The following MARCHF10 variants were observed in gnomAD, a reference collection of about 807,000 sequenced individuals.
MARCHF10 encodes the protein probable E3 ubiquitin-protein ligase MARCHF10.
A neutral mutation model predicts 76.2 loss-of-function variants in MARCHF10; 64 were observed. The observed-to-expected ratio is 0.84, with a 90% CI of 0.69 to 1.03. The LOEUF is 1.03. Among genes scored for constraint, MARCHF10 ranks in the 50% least tolerant of loss-of-function variants. The pLI, the probability that MARCHF10 is intolerant of heterozygous loss-of-function variation, is 0.00. For missense variants in MARCHF10, 875 were observed against 958.0 expected (o/e 0.91, Z 1.14); for synonymous variants, 340 against 357.5 (o/e 0.95, Z 0.55).
Position 62,701,381 on chromosome 17 carries a change from G to A in MARCHF10, c.*322C>T, listed in dbSNP as rs1159241720. 7.0e-6 allele frequency: 3 copies of A among 430,016 alleles called. No homozygotes were observed. Among genetic ancestry groups the A allele is most frequent in the Non-Finnish European group, 1.3e-5 (3 of 234,436 alleles). 26.6% of individuals were successfully genotyped at this position (430,016 alleles called of 1,614,324 possible). On this transcript the variant is annotated 3_prime_UTR_variant, in exon 11 of 11. Transcript: ENST00000311269. Reference sequence around the variant, plus strand: ...GTCCATTCAGGGTGGAGTGAGGCCTGGCAGGTGCCCTCAGCAGTGGGACCC... The same window carrying A: ...GTCCATTCAGGGTGGAGTGAGGCCTAGCAGGTGCCCTCAGCAGTGGGACCC...
rs60456766 is a variant in MARCHF10 at position 62,723,559 on chromosome 17, C to CTTTTTTTT, written c.2105-970_2105-963dup. Among the ~76,000 whole-genome samples the CTTTTTTTT allele has an allele frequency of 2.8e-3, 225 of 80,348 alleles. 24 individuals are homozygous for CTTTTTTTT. Among genetic ancestry groups the CTTTTTTTT allele is most frequent in the South Asian group, 7.3e-3 (17 of 2,314 alleles). The allele number at this position is 80,348 out of a possible 152,430, so 52.7% of individuals were successfully genotyped here. On this transcript the variant is annotated intron_variant, in intron 7 of 10. Coordinates refer to ENST00000311269, the MANE Select transcript of MARCHF10 (RefSeq NM_152598.4). ...CCTTATCTGCATTTTGTTCGCTTGA[C>CTTTTTTTT]TTTTTTTTTTTTTTTTTTTAGCGTC...
intron 6 of MARCHF10, among the ~76,000 whole-genome samples, chr17:62,729,036 T>G (rs1165610214): frequency 6.6e-6 from 1 of 152,062 alleles, no homozygotes; most frequent in East Asian, 1.9e-4. Context: ...CCTCCTGGGC[T>G]CAAAGTGATC....
intron 3 of MARCHF10, among the ~76,000 whole-genome samples, chr17:62,762,773 T>A: frequency 6.6e-6 from 1 of 152,212 alleles, no homozygotes; most frequent in East Asian, 1.9e-4. Context: ...CTCGAACCCC[T>A]GAGCTCAGGC....
Position 62,736,272 on chromosome 17 carries a change from T to C in MARCHF10, c.1596A>G (p.Pro532=), listed in dbSNP as rs747101686. 1 of 1,614,230 alleles carries C rather than the reference T, an allele frequency of 6.2e-7. No homozygotes were observed. Among genetic ancestry groups the C allele is most frequent in the East Asian group, 2.2e-5 (1 of 44,886 alleles). ...CAGCAAATTCGTGTGCACTGTTTAC[T>C]GGGAAATAATTATGGTTTTCGGCAC... ...FASAENHNYF[P]VNSAHEFAVR... Residue 532 remains proline, a synonymous_variant, in exon 6 of 11, where the codon CCA becomes CCG. Coordinates refer to ENST00000311269, the MANE Select transcript of MARCHF10 (RefSeq NM_152598.4).
chr17:62,719,515 C>T (rs551569701), intron 8 of MARCHF10, among the ~76,000 whole-genome samples: 2 of 152,066 alleles, frequency 1.3e-5, no homozygotes, highest in African/African-American at 4.8e-5. Context: ...TATCTTTACT[C>T]CCCTTTAGGG....
intron 6 of MARCHF10, among the ~76,000 whole-genome samples, chr17:62,728,904 A>C (rs1006945113): frequency 6.6e-6 from 1 of 152,182 alleles, no homozygotes; most frequent in Non-Finnish European, 1.5e-5. Flanking sequence ...AGAAATTGAC[A>C]AACTCAATGG....
chr17:62,802,897 G>C (rs2093100200), intron 1 of MARCHF10, among the ~76,000 whole-genome samples: 1 of 152,216 alleles, frequency 6.6e-6, no homozygotes, highest in Non-Finnish European at 1.5e-5. Flanking sequence ...AGAGTCATGG[G>C]AAACTCCTGA....
At chr17:62,804,036 A>T (rs894505435) in intron 1 of MARCHF10, among the ~76,000 whole-genome samples, 1 of 152,152 alleles carries the variant, frequency 6.6e-6, no homozygotes, top group African/African-American at 2.4e-5. Context: ...TCGCTCCAGT[A>T]CCCACACTCT....
chr17:62,727,255 G>A (rs1476048861), intron 6 of MARCHF10, among the ~76,000 whole-genome samples: 3 of 152,148 alleles, frequency 2.0e-5, no homozygotes, highest in Non-Finnish European at 4.4e-5. Flanking sequence ...GGATCCACTG[G>A]CTACCCTACT....
chr17:62,772,720 T>C (rs1314643800), intron 3 of MARCHF10, among the ~76,000 whole-genome samples: 1 of 152,218 alleles, frequency 6.6e-6, no homozygotes, highest in Non-Finnish European at 1.5e-5. Flanking sequence ...ATTACACCTT[T>C]ATTTTCTCCA....
chr17:62,761,676 C>T (rs1372672637), intron 3 of MARCHF10, among the ~76,000 whole-genome samples: 1 of 152,152 alleles, frequency 6.6e-6, no homozygotes, highest in Non-Finnish European at 1.5e-5. Flanking sequence ...CCCATCTCAG[C>T]CTCCCAAAGT....
intron 3 of MARCHF10, among the ~76,000 whole-genome samples, chr17:62,765,913 C>T (rs1043249092): frequency 1.4e-4 from 22 of 152,146 alleles, no homozygotes; most frequent in South Asian, 1.0e-3. Flanking sequence ...TTTTAAAAAC[C>T]GGAATGCAGC....
chr17:62,724,894 A>C, intron 7 of MARCHF10, 44 bp downstream of exon 7: 2 of 1,597,874 alleles, frequency 1.3e-6, no homozygotes, highest in Non-Finnish European at 1.7e-6. Context: ...CCTCATGTTA[A>C]TTACATGTCG....
chr17:62,718,626 C>G (rs1160693245), intron 8 of MARCHF10, among the ~76,000 whole-genome samples: 1 of 152,160 alleles, frequency 6.6e-6, no homozygotes. Flanking sequence ...TGAGATGAAC[C>G]TGTCGGCACC....
intron 6 of MARCHF10, among the ~76,000 whole-genome samples, chr17:62,726,946 T>C (rs2090785592): frequency 6.6e-6 from 1 of 152,158 alleles, no homozygotes; most frequent in Non-Finnish European, 1.5e-5. Context: ...ATTTTTAATT[T>C]AGGCAACTAC....
At chr17:62,734,873 C>T (rs1035124770) in intron 6 of MARCHF10, among the ~76,000 whole-genome samples, 1 of 152,162 alleles carries the variant, frequency 6.6e-6, no homozygotes. Context: ...AAGGGCATCA[C>T]TTTGGGATGG....
chr17:62,760,865 G>T (rs1411388440), intron 3 of MARCHF10, among the ~76,000 whole-genome samples: 1 of 152,148 alleles, frequency 6.6e-6, no homozygotes, highest in Non-Finnish European at 1.5e-5. Flanking sequence ...GGTGGAGGGG[G>T]GCACTAAGCT....
intron 4 of MARCHF10, among the ~76,000 whole-genome samples, chr17:62,755,473 C>T (rs1002272263): frequency 6.6e-6 from 1 of 152,196 alleles, no homozygotes. Flanking sequence ...CACCGCAGCT[C>T]CCCAAATGTC....
chr17:62,775,197 C>T (rs1463291918), intron 3 of MARCHF10, among the ~76,000 whole-genome samples: 1 of 148,636 alleles, frequency 6.7e-6, no homozygotes, highest in Non-Finnish European at 1.5e-5. Context: ...GTGATCTCCA[C>T]TCACTGCAAC....
Sources: gnomAD v4.1 joint callset for allele counts (sites outside exome capture counted in the v4.1 genomes callset) on GRCh38, gnomAD v4.1.1 for gene constraint, MANE v1.5 for transcripts, NCBI Gene and HGNC (gene_info 2026-07-23, HGNC 2026-07-21) for gene names.